Variants in CSMD1 observed in about 807,000 individuals in gnomAD.
The protein encoded by CSMD1 is CUB and Sushi multiple domains 1.
CSMD1 carries 213 observed loss-of-function variants against 417.5 expected under a neutral mutation model. The observed-to-expected ratio is 0.51, with a 90% CI of 0.46 to 0.57. The LOEUF (loss-of-function observed/expected upper bound fraction) is 0.57, where lower values mean the gene tolerates loss of function less well. Ranked by LOEUF, CSMD1 falls within the 20% of genes least tolerant of loss-of-function variation. CSMD1 has a pLI of 0.00. For synonymous variants in CSMD1, 2,862 were observed against 1,736.8 expected, an observed-to-expected ratio of 1.65 and a Z score of -16.11; for missense variants, 6,923 against 4,529.7, an observed-to-expected ratio of 1.53 and a Z score of -15.17.
intron 3 of CSMD1, among the ~76,000 whole-genome samples, chr8:4,289,992 G>T (rs1338259610): frequency 6.6e-6 from 1 of 152,166 alleles, no homozygotes; most frequent in Non-Finnish European, 1.5e-5. Flanking sequence ...TATATTTAAG[G>T]AATGTGTTAT....
At chr8:3,699,049 G>A (rs946403036) in intron 7 of CSMD1, among the ~76,000 whole-genome samples, 1 of 152,172 alleles carries the variant, frequency 6.6e-6, no homozygotes, top group Non-Finnish European at 1.5e-5. Flanking sequence ...ATCTAGCGAA[G>A]CACTCTGCAG....
chr8:4,119,582 G>C (rs540694433), intron 3 of CSMD1, among the ~76,000 whole-genome samples: 9 of 57,648 alleles, frequency 1.6e-4, no homozygotes, highest in Non-Finnish European at 3.1e-4. Flanking sequence ...GATAATAGTA[G>C]TGTTCTTCTA....
Position 4,465,436 on chromosome 8 carries a change from A to G in CSMD1, c.303-45371T>C, listed in dbSNP as rs565439491. Among the ~76,000 whole-genome samples the G allele has an allele frequency of 2.6e-5, 4 of 152,168 alleles. No individual in the cohort carries two copies. The South Asian group carries it at 8.3e-4, about 32-fold the overall frequency. On this transcript the variant is annotated intron_variant, in intron 2 of 69. Transcript: ENST00000635120. ...AAGGAGCCTTGTACGTTCACCATTGACACCATCCTGCCTTGCCATATTATT... is the reference window on the plus strand; with the variant it reads ...AAGGAGCCTTGTACGTTCACCATTGGCACCATCCTGCCTTGCCATATTATT...
At chr8:3,929,340 T>C (rs1809974933) in intron 5 of CSMD1, among the ~76,000 whole-genome samples, 1 of 150,578 alleles carries the variant, frequency 6.6e-6, no homozygotes, top group South Asian at 2.1e-4. Flanking sequence ...ACTGCATACA[T>C]AATTTTTAAT....
At chr8:3,292,980 A>G in intron 25 of CSMD1, among the ~76,000 whole-genome samples, 1 of 151,500 alleles carries the variant, frequency 6.6e-6, no homozygotes, top group East Asian at 1.9e-4. Context: ...GTTCCTTTCC[A>G]TGTTTAGTGC....
intron 3 of CSMD1, among the ~76,000 whole-genome samples, chr8:4,374,760 T>C (rs1049678464): frequency 1.3e-5 from 2 of 152,034 alleles, no homozygotes; most frequent in Non-Finnish European, 2.9e-5. Flanking sequence ...AAGTGGTTCT[T>C]GTCTAATGAA....
chr8:4,310,598 G>T (rs1436340976), intron 3 of CSMD1, among the ~76,000 whole-genome samples: 4 of 152,118 alleles, frequency 2.6e-5, no homozygotes, highest in African/African-American at 9.7e-5. Flanking sequence ...AGCTCTCGAT[G>T]ATGTTAAATC....
Position 4,319,737 on chromosome 8 carries a change from T to C in CSMD1, c.415+100216A>G, listed in dbSNP as rs1165944697. Reference sequence around the variant, plus strand: ...GATTAGAGGAAAAAGAACTGAGACTTGCCGGGGGGCCAAAGGCTGCTAGAG... The same window carrying C: ...GATTAGAGGAAAAAGAACTGAGACTCGCCGGGGGGCCAAAGGCTGCTAGAG... On this transcript the variant is annotated intron_variant, in intron 3 of 69. Coordinates refer to ENST00000635120, the MANE Select transcript of CSMD1 (RefSeq NM_033225.6). 2.6e-5 allele frequency among the ~76,000 whole-genome samples: 4 copies of C among 152,096 alleles called. No individual in the cohort carries two copies. In the East Asian group the frequency reaches 7.8e-4, roughly 30 times the overall value.
In CSMD1 at chr8:4,975,493, A is replaced by C. The variant is rs531111917; in HGVS notation, c.85+18839T>G. ...CTAAAAACAGAAGTCAAGTTATGTC[A>C]GGGCTGAAAGCAAAAGGCCAAATCA... On this transcript the variant is annotated intron_variant, in intron 1 of 69. Transcript: ENST00000635120. 7.9e-5 allele frequency among the ~76,000 whole-genome samples: 12 copies of C among 152,322 alleles called. No individual in the cohort carries two copies. The East Asian group carries it at 2.3e-3, about 29-fold the overall frequency.
At chr8:4,571,037 C>G (rs1284855470) in intron 2 of CSMD1, among the ~76,000 whole-genome samples, 1 of 151,936 alleles carries the variant, frequency 6.6e-6, no homozygotes. Flanking sequence ...CTCTCTTCTT[C>G]TTCTTTATTA....
At chr8:4,688,959 C>T in intron 1 of CSMD1, among the ~76,000 whole-genome samples, 1 of 152,176 alleles carries the variant, frequency 6.6e-6, no homozygotes, top group African/African-American at 2.4e-5. Flanking sequence ...AAGAAATGGC[C>T]ATTTTCCAAT....
At chr8:4,482,829 CA>C (rs1294698231) in intron 2 of CSMD1, among the ~76,000 whole-genome samples, 1 of 152,060 alleles carries the variant, frequency 6.6e-6, no homozygotes, top group Non-Finnish European at 1.5e-5. Flanking sequence ...AAATGCAAAT[CA>C]ATACTAAAAC....
intron 2 of CSMD1, among the ~76,000 whole-genome samples, chr8:4,464,606 T>C (rs569908139): frequency 6.6e-6 from 1 of 152,200 alleles, no homozygotes; most frequent in South Asian, 2.1e-4. Flanking sequence ...GTTATTACTT[T>C]CACGCTATTG....
intron 6 of CSMD1, among the ~76,000 whole-genome samples, chr8:3,750,295 T>C (rs192871789): frequency 1.3e-5 from 2 of 150,800 alleles, no homozygotes; most frequent in Non-Finnish European, 3.0e-5. Flanking sequence ...ATGTTCTTTT[T>C]AAAATGTTCT....
At chr8:4,249,123 C>A (rs942886646) in intron 3 of CSMD1, among the ~76,000 whole-genome samples, 1 of 152,132 alleles carries the variant, frequency 6.6e-6, no homozygotes, top group African/African-American at 2.4e-5. Context: ...CCCAGTTACA[C>A]CAAACTTTCG....
At chr8:4,986,917 G>T (rs1006433839) in intron 1 of CSMD1, among the ~76,000 whole-genome samples, 4 of 152,084 alleles carry the variant, frequency 2.6e-5, no homozygotes, top group African/African-American at 9.7e-5. Context: ...TGAAAGGAAG[G>T]TAGAGAGATG....
chr8:3,379,597 A>G (rs753554822), intron 18 of CSMD1, among the ~76,000 whole-genome samples: 13 of 152,202 alleles, frequency 8.5e-5, no homozygotes, highest in African/African-American at 2.7e-4. Flanking sequence ...AACACCACAT[A>G]TCTACAACCA....
At chr8:3,265,766 C>G (rs572185179) in intron 26 of CSMD1, among the ~76,000 whole-genome samples, 1 of 152,094 alleles carries the variant, frequency 6.6e-6, no homozygotes, top group Non-Finnish European at 1.5e-5. Flanking sequence ...GGCCTTTCTT[C>G]AGCATGACTT....
At chr8:4,812,365 G>T (rs928649494) in intron 1 of CSMD1, among the ~76,000 whole-genome samples, 1 of 152,136 alleles carries the variant, frequency 6.6e-6, no homozygotes, top group Non-Finnish European at 1.5e-5. Context: ...CAAACATTCA[G>T]TTAGATAGAA....
Sources: allele counts gnomAD v4.1 joint callset (sites outside exome capture counted in the v4.1 genomes callset), GRCh38; gene constraint gnomAD v4.1.1; transcripts MANE v1.5; gene names NCBI Gene and HGNC (gene_info 2026-07-23, HGNC 2026-07-21).